Variants in NDUFA5 observed in about 807,000 individuals in gnomAD.
NDUFA5 encodes NADH dehydrogenase [ubiquinone] 1 alpha subcomplex subunit 5.
A neutral mutation model predicts 19.8 loss-of-function variants in NDUFA5; 11 were observed. The observed-to-expected ratio is 0.56, with a 90% CI of 0.35 to 0.92. The LOEUF (loss-of-function observed/expected upper bound fraction) is 0.92, where lower values mean the gene tolerates loss of function less well. NDUFA5 is among the 40% of genes least tolerant of loss of function. NDUFA5 has a pLI of 0.01. For missense variants in NDUFA5, 109 were observed against 134.2 expected (o/e 0.81, Z 0.93); for synonymous variants, 47 against 46.8 (o/e 1.00, Z -0.01).
chr7:123,545,269 T>G (rs761608928), intron 4 of NDUFA5, among the ~76,000 whole-genome samples: 19 of 152,158 alleles, frequency 1.2e-4, no homozygotes, highest in Non-Finnish European at 2.4e-4. Flanking sequence ...TTTTCCCTAC[T>G]AAAAATATGC....
At chr7:123,555,243 T>C (rs1263324693) in intron 2 of NDUFA5, 2 of 152,076 alleles carry the variant, frequency 1.3e-5, no homozygotes, top group African/African-American at 4.8e-5. Flanking sequence ...TTTAGGAAAA[T>C]CATATGATTA....
At chr7:123,590,032 T>A in the NDUFA5 span, among the ~76,000 whole-genome samples, 2 of 152,212 alleles carry the variant, frequency 1.3e-5, no homozygotes, top group Admixed American at 1.3e-4. Flanking sequence ...TGAGATGGTA[T>A]CTCATTGTGG....
At chr7:123,555,964 A>T (rs563797009) in intron 2 of NDUFA5, 21 of 152,386 alleles carry the variant, frequency 1.4e-4, no homozygotes, top group African/African-American at 4.6e-4. Flanking sequence ...ATTGAGAGGC[A>T]GTTAAGAAGT....
chr7:123,570,025 A>G, the NDUFA5 span, among the ~76,000 whole-genome samples: 5 of 141,790 alleles, frequency 3.5e-5, no homozygotes, highest in African/African-American at 7.9e-5. Context: ...AACTACTGCC[A>G]TAGCTTTTTT....
chr7:123,554,321 A>G (rs1798459087), intron 2 of NDUFA5, among the ~76,000 whole-genome samples: 1 of 152,198 alleles, frequency 6.6e-6, no homozygotes, highest in Admixed American at 6.5e-5. Context: ...TTTAAATTAC[A>G]TACAAATATG....
chr7:123,571,097 C>T, the NDUFA5 span, among the ~76,000 whole-genome samples: 2 of 152,148 alleles, frequency 1.3e-5, no homozygotes, highest in Non-Finnish European at 1.5e-5. Flanking sequence ...TTTGTTTCCA[C>T]TTGTTTTTAA....
the NDUFA5 span, among the ~76,000 whole-genome samples, chr7:123,596,757 TTAAA>T: frequency 6.6e-6 from 1 of 152,182 alleles, no homozygotes; most frequent in Non-Finnish European, 1.5e-5. Flanking sequence ...CAAATATTAA[TTAAA>T]TGTCATTACG....
chr7:123,579,528 T>C, the NDUFA5 span, among the ~76,000 whole-genome samples: 4 of 152,074 alleles, frequency 2.6e-5, no homozygotes, highest in Non-Finnish European at 5.9e-5. Flanking sequence ...TTGTTCTGAT[T>C]TCTTTTCTCT....
chr7:123,539,212 C>A lies in NDUFA5; in HGVS notation c.*2907G>T, dbSNP rs1797849652. 6.6e-6 allele frequency: 1 copy of A among 152,138 alleles called. No individual in the cohort carries two copies. The highest frequency in any genetic ancestry group is 1.5e-5 in the Non-Finnish European group (1 of 68,044). The allele number at this position is 152,138 out of a possible 1,614,324, so 9.4% of individuals were successfully genotyped here. ...GAGCCTTACTCCAGTAGGGTGCCCC[C>A]CTATATCTTGTTTGCCCAGGACAGT... On this transcript the variant is annotated 3_prime_UTR_variant, in exon 5 of 5. Transcript: ENST00000355749.
the NDUFA5 span, among the ~76,000 whole-genome samples, chr7:123,589,183 C>A: frequency 6.6e-6 from 1 of 151,740 alleles, no homozygotes; most frequent in African/African-American, 2.4e-5. Context: ...CCCTTCAGAA[C>A]TCTTAATATT....
rs933357939 is a variant in NDUFA5, at chr7:123,539,070, A to G, written c.*3049T>C. ...GAATGAGGGAGAGTGAAAGGATACA[A>G]TAAAACTTGAGGCCTGATTGCACAT... On this transcript the variant is annotated 3_prime_UTR_variant, in exon 5 of 5. Transcript: ENST00000355749. 1.3e-5 allele frequency: 2 copies of G among 152,204 alleles called. No homozygotes were observed. Among genetic ancestry groups the G allele is most frequent in the East Asian group, 1.9e-4 (1 of 5,190 alleles). 9.4% of individuals were successfully genotyped at this position (152,204 alleles called of 1,614,324 possible).
In NDUFA5 at chr7:123,557,815, T is replaced by C; in HGVS notation, c.-20A>G. On this transcript the variant is annotated 5_prime_UTR_variant, in exon 1 of 5. Transcript: ENST00000355749. ...CGCCATGACAGCGCCAACGACTCGG[T>C]GACGCACAACCCTTTGGGAACAATT... The C allele has an allele frequency of 1.2e-6, 2 of 1,614,018 alleles. No homozygotes were observed. The highest frequency in any genetic ancestry group is 1.7e-6 in the Non-Finnish European group (2 of 1,179,980).
chr7:123,560,958 A>G (rs772046938), upstream of NDUFA5, among the ~76,000 whole-genome samples: 2 of 152,230 alleles, frequency 1.3e-5, no homozygotes, highest in Non-Finnish European at 2.9e-5. Context: ...TATTTACCAT[A>G]GCATCAAAAA....
At chr7:123,579,369 T>C in the NDUFA5 span, among the ~76,000 whole-genome samples, 737 of 152,230 alleles carry the variant, frequency 4.8e-3, 11 homozygotes, top group African/African-American at 0.017. Context: ...ACATTTTCAG[T>C]GAATAACTAT....
the NDUFA5 span, among the ~76,000 whole-genome samples, chr7:123,582,458 C>CGAGTATATAGTT: frequency 3.3e-5 from 5 of 151,982 alleles, no homozygotes; most frequent in Admixed American, 6.6e-5. Context: ...ATTCTTTACT[C>CGAGTATATAGTT]CAGTATATAG....
chr7:123,544,590 A>G (rs1798060384), intron 4 of NDUFA5, among the ~76,000 whole-genome samples: 1 of 151,706 alleles, frequency 6.6e-6, no homozygotes, highest in Non-Finnish European at 1.5e-5. Context: ...AAGTATGTGC[A>G]GACAATGTCA....
rs887748145 is a variant in NDUFA5 at position 123,538,448 on chromosome 7, G to A, written c.*3671C>T. On this transcript the variant is annotated 3_prime_UTR_variant, in exon 5 of 5. Coordinates refer to ENST00000355749, the MANE Select transcript of NDUFA5 (RefSeq NM_005000.5). ...CTGTGAATTTTGTCTAAAATAAAAC[G>A]TCGACCTCCTCTAAACACAACTGGT... is the stretch of plus-strand genomic sequence containing the variant. 2 of 152,040 alleles carry A rather than the reference G, an allele frequency of 1.3e-5. No individual in the cohort carries two copies. Among genetic ancestry groups the A allele is most frequent in the African/African-American group, 2.4e-5 (1 of 41,396 alleles). 9.4% of individuals were successfully genotyped at this position (152,040 alleles called of 1,614,324 possible).
upstream of NDUFA5, chr7:123,558,038 C>T (rs1584707216): frequency 1.6e-6 from 1 of 634,710 alleles, no homozygotes; most frequent in Non-Finnish European, 2.7e-6. Flanking sequence ...GGTTTCCCAG[C>T]TGTCTGTTCC....
the NDUFA5 span, among the ~76,000 whole-genome samples, chr7:123,565,351 G>A: frequency 6.7e-6 from 1 of 149,708 alleles, no homozygotes; most frequent in Non-Finnish European, 1.5e-5. Flanking sequence ...CGTAACAGAC[G>A]CACCCAGAAA....
Sources: gnomAD v4.1 joint callset for allele counts (sites outside exome capture counted in the v4.1 genomes callset) on GRCh38, gnomAD v4.1.1 for gene constraint, MANE v1.5 for transcripts, NCBI Gene and HGNC (gene_info 2026-07-23, HGNC 2026-07-21) for gene names.